TUBA1C: variants seen among roughly 807,000 people sequenced by gnomAD.
TUBA1C encodes the protein tubulin alpha 1c.
Under a neutral mutation model 34.9 loss-of-function variants are expected in TUBA1C, and 16 were observed. The observed-to-expected ratio is 0.46, with a 90% CI of 0.31 to 0.70. The LOEUF is 0.70. Among genes scored for constraint, TUBA1C ranks in the 30% least tolerant of loss-of-function variants. The pLI is 0.05. For missense variants in TUBA1C, 329 were observed against 587.3 expected (o/e 0.56, Z 4.55); for synonymous variants, 177 against 215.9 (o/e 0.82, Z 1.58).
Position 49,273,668 on chromosome 12 carries a change from C to T in TUBA1C, c.*441C>T. The T allele has an allele frequency of 4.3e-6, 1 of 232,786 alleles. No individual in the cohort carries two copies. The highest frequency in any genetic ancestry group is 1.1e-4 in the East Asian group (1 of 9,398). The allele number at this position is 232,786 out of a possible 1,614,324, so 14.4% of individuals were successfully genotyped here. On this transcript the variant is annotated 3_prime_UTR_variant, in exon 4 of 4. Coordinates refer to ENST00000301072, the MANE Select transcript of TUBA1C (RefSeq NM_032704.5). ...TCAAAGTTTTGATTATAGGCATGAG[C>T]CACTGCCCAGCTTCTTGGTTTATCT...
chr12:49,239,171 T>C (rs1218182179), intron 1 of TUBA1C, among the ~76,000 whole-genome samples: 2 of 152,150 alleles, frequency 1.3e-5, no homozygotes, highest in Non-Finnish European at 2.9e-5. Flanking sequence ...TTGTCTGTCT[T>C]CCACCTTTAT....
chr12:49,239,810 G>A (rs1184576768), intron 1 of TUBA1C, among the ~76,000 whole-genome samples: 2 of 152,056 alleles, frequency 1.3e-5, no homozygotes, highest in African/African-American at 4.8e-5. Context: ...TAAATAGCTT[G>A]ATAACAAATC....
chr12:49,263,026 T>TA (rs1446559691), upstream of TUBA1C, among the ~76,000 whole-genome samples: 2 of 148,002 alleles, frequency 1.4e-5, no homozygotes, highest in African/African-American at 5.0e-5. Flanking sequence ...AATTACTCTT[T>TA]TTTTTTTTTT....
chr12:49,264,893 G>A (rs1386783885), upstream of TUBA1C: 1 of 216,938 alleles, frequency 4.6e-6, no homozygotes, highest in Non-Finnish European at 8.8e-6. Flanking sequence ...GGCTCCTTCC[G>A]ACGAGTTTGG....
intron 1 of TUBA1C, 43 bp downstream of exon 1, chr12:49,265,227 AG>A: frequency 3.2e-6 from 5 of 1,554,148 alleles, no homozygotes; most frequent in Non-Finnish European, 4.4e-6. Context: ...TGCGCGTCCC[AG>A]GGGACGGCGG....
chr12:49,247,156 G>GA (rs546222671), intron 1 of TUBA1C, among the ~76,000 whole-genome samples: 14 of 149,024 alleles, frequency 9.4e-5, no homozygotes, highest in South Asian at 4.2e-4. Flanking sequence ...AAAAAAGAAA[G>GA]AAAAAAAAAG....
intron 1 of TUBA1C, among the ~76,000 whole-genome samples, chr12:49,265,951 C>G (rs1190707455): frequency 8.3e-6 from 1 of 120,750 alleles, no homozygotes; most frequent in East Asian, 3.3e-4. Flanking sequence ...AACCCCGTCT[C>G]TACTTTAAAA....
At chr12:49,267,305 G>C (rs1404567171) in intron 1 of TUBA1C, among the ~76,000 whole-genome samples, 1 of 152,260 alleles carries the variant, frequency 6.6e-6, no homozygotes, top group Non-Finnish European at 1.5e-5. Context: ...GGGCCATCAT[G>C]ATCAGGTATC....
intron 3 of TUBA1C, among the ~76,000 whole-genome samples, chr12:49,270,966 G>T (rs1394966647): frequency 2.0e-5 from 3 of 152,040 alleles, no homozygotes; most frequent in South Asian, 2.1e-4. Flanking sequence ...GCGACAGAGT[G>T]AGACTCCATC....
At chr12:49,230,911 T>C (rs147636086) in intron 1 of TUBA1C, among the ~76,000 whole-genome samples, 305 of 152,304 alleles carry the variant, frequency 2.0e-3, no homozygotes, top group Middle Eastern at 0.014. Context: ...AAAATAAGCG[T>C]AATCCTAATA....
chr12:49,264,914 T>G (rs1476693961), upstream of TUBA1C: 1 of 272,606 alleles, frequency 3.7e-6, no homozygotes, highest in Non-Finnish European at 6.5e-6. Flanking sequence ...TTTGAACTTT[T>G]GAATCCGCCA....
rs1397993833 is a variant in TUBA1C at position 49,265,977 on chromosome 12, A to AC, written c.3+793_3+794insC. On this transcript the variant is annotated intron_variant, in intron 1 of 3. Coordinates refer to ENST00000301072, the MANE Select transcript of TUBA1C (RefSeq NM_032704.5). ...TACTTTAAAAAAAAAAAAAAACAAA[A>AC]AAAAACGCTGGGCGTGGTGGCGCGC... Among the ~76,000 whole-genome samples, 21 of 149,070 alleles carry AC rather than the reference A, an allele frequency of 1.4e-4. No homozygotes were observed. The South Asian group carries it at 2.3e-3, about 17-fold the overall frequency.
chr12:49,244,504 A>C (rs1260506774), intron 1 of TUBA1C, among the ~76,000 whole-genome samples: 1 of 152,128 alleles, frequency 6.6e-6, no homozygotes, highest in Non-Finnish European at 1.5e-5. Context: ...TAAGGGAAGT[A>C]ATTTGAGTAG....
At chr12:49,262,300 C>T (rs915062644), upstream of TUBA1C, among the ~76,000 whole-genome samples, 1 of 150,570 alleles carries the variant, frequency 6.6e-6, no homozygotes, top group Non-Finnish European at 1.5e-5. Flanking sequence ...ACCTGTAGTC[C>T]CAGGTACTTG....
In TUBA1C at chr12:49,273,401, C is replaced by A; in HGVS notation, c.*174C>A. 1 of 1,203,454 alleles carries A rather than the reference C, an allele frequency of 8.3e-7. No homozygotes were observed. The highest frequency in any genetic ancestry group is 1.2e-6 in the Non-Finnish European group (1 of 857,468). 74.5% of individuals were successfully genotyped at this position (1,203,454 alleles called of 1,614,324 possible). Reference sequence around the variant, plus strand: ...GTATGAGGCTGGTAGATGAAACCACCTGAGTCGAGGGTCTTGCTCTGTCAC... The same window carrying A: ...GTATGAGGCTGGTAGATGAAACCACATGAGTCGAGGGTCTTGCTCTGTCAC... On this transcript the variant is annotated 3_prime_UTR_variant, in exon 4 of 4. Coordinates refer to ENST00000301072, the MANE Select transcript of TUBA1C (RefSeq NM_032704.5).
At chr12:49,257,567 A>G (rs1194857891) in intron 1 of TUBA1C, among the ~76,000 whole-genome samples, 1 of 151,880 alleles carries the variant, frequency 6.6e-6, no homozygotes, top group Admixed American at 6.6e-5. Flanking sequence ...GGATTACTTG[A>G]GGCCAGGAGT....
At chr12:49,257,709 G>A (rs932282833) in intron 1 of TUBA1C, among the ~76,000 whole-genome samples, 2 of 151,974 alleles carry the variant, frequency 1.3e-5, no homozygotes, top group African/African-American at 4.8e-5. Context: ...AGCCCAGGAA[G>A]TTGAGGCTGC....
chr12:49,272,459 C>T lies in TUBA1C; in HGVS notation c.582C>T (p.Thr194=), dbSNP rs1254431257. Residue 194 remains threonine, a synonymous_variant, in exon 4 of 4, where the codon ACC becomes ACT. Transcript: ENST00000301072. The stretch of plus-strand genomic sequence containing the variant: ...ACTCCATCCTCACCACCCACACCAC[C>T]CTGGAGCACTCTGATTGTGCCTTCA... ...PYNSILTTHT[T]LEHSDCAFMV... The T allele has an allele frequency of 2.5e-6, 4 of 1,612,236 alleles. No individual in the cohort carries two copies. Among genetic ancestry groups the T allele is most frequent in the Non-Finnish European group, 3.4e-6 (4 of 1,179,646 alleles).
intron 3 of TUBA1C, chr12:49,270,202 C>A: frequency 1.1e-6 from 1 of 875,802 alleles, no homozygotes; most frequent in Non-Finnish European, 1.8e-6. Flanking sequence ...CAAGCTGAGA[C>A]ACCCCTTTTG....
Sources: allele counts gnomAD v4.1 joint callset (sites outside exome capture counted in the v4.1 genomes callset), GRCh38; gene constraint gnomAD v4.1.1; transcripts MANE v1.5; gene names NCBI Gene and HGNC (gene_info 2026-07-23, HGNC 2026-07-21).